TRUB1: variants seen among roughly 807,000 people sequenced by gnomAD.
TRUB1 encodes pseudouridylate synthase TRUB1.
A neutral mutation model predicts 33.9 loss-of-function variants in TRUB1; 23 were observed. The observed-to-expected ratio is 0.68, with a 90% CI of 0.49 to 0.96. The LOEUF is 0.96. Ranked by LOEUF, TRUB1 falls within the 40% of genes least tolerant of loss-of-function variation. The pLI is 0.00. For missense variants in TRUB1, 378 were observed against 422.2 expected, an observed-to-expected ratio of 0.90 and a Z score of 0.92; for synonymous variants, 163 against 165.4, an observed-to-expected ratio of 0.99 and a Z score of 0.11.
chr10:114,959,279 A>G (rs2084275070), intron 3 of TRUB1, among the ~76,000 whole-genome samples: 1 of 152,210 alleles, frequency 6.6e-6, no homozygotes, highest in Non-Finnish European at 1.5e-5. Context: ...TCATGTAAGA[A>G]GTACTAAGTT....
rs1212606834 is a variant in TRUB1 at position 114,938,472 on chromosome 10, C to T, written c.219C>T (p.Ala73=). The change falls in exon 1 of 8, where the codon GCC becomes GCT. Residue 73 remains alanine, a synonymous_variant. Coordinates refer to ENST00000298746, the MANE Select transcript of TRUB1 (RefSeq NM_139169.5). ...TGCTGTCCTTGAGCGGCGTGTTCGC[C>T]GTGCACAAGCCCAAAGGGCCCACTT... ...TKLLSLSGVF[A]VHKPKGPTSA... is the part of the protein sequence containing the mutation. 2.5e-6 allele frequency: 4 copies of T among 1,592,228 alleles called. No individual in the cohort carries two copies. Among genetic ancestry groups the T allele is most frequent in the Non-Finnish European group, 2.6e-6 (3 of 1,170,980 alleles).
At chr10:114,971,023 A>G (rs930478091) in intron 5 of TRUB1, among the ~76,000 whole-genome samples, 1 of 152,178 alleles carries the variant, frequency 6.6e-6, no homozygotes, top group Non-Finnish European at 1.5e-5. Flanking sequence ...ATTTCTCACC[A>G]TTCTGGAGGC....
chr10:114,947,464 G>C (rs1432648398), intron 2 of TRUB1, among the ~76,000 whole-genome samples: 1 of 152,090 alleles, frequency 6.6e-6, no homozygotes, highest in African/African-American at 2.4e-5. Context: ...TAACTTTAGA[G>C]GTTATAGAAA....
intron 5 of TRUB1, among the ~76,000 whole-genome samples, chr10:114,970,697 C>G (rs944593416): frequency 3.9e-5 from 6 of 152,178 alleles, no homozygotes; most frequent in Non-Finnish European, 7.3e-5. Context: ...ATTGGCTTTT[C>G]TGATTCTATC....
chr10:114,949,461 A>G (rs933466669), intron 2 of TRUB1, among the ~76,000 whole-genome samples: 20 of 152,192 alleles, frequency 1.3e-4, no homozygotes, highest in Non-Finnish European at 2.2e-4. Flanking sequence ...TGAGTGTCAT[A>G]GAGGTTTTGA....
Position 114,972,129 on chromosome 10 carries a change from C to G in TRUB1, c.597-6C>G. On this transcript the variant is annotated splice_region_variant and splice_polypyrimidine_tract_variant and intron_variant, in intron 5 of 7. Coordinates refer to ENST00000298746, the MANE Select transcript of TRUB1 (RefSeq NM_139169.5). ...CCTTCCATTTCTCCTTCTCTCATCTCACAAGCTATTCTGCATTAAAGAAAG... is the reference window on the plus strand; with the variant it reads ...CCTTCCATTTCTCCTTCTCTCATCTGACAAGCTATTCTGCATTAAAGAAAG... 1 of 1,612,428 alleles carries G rather than the reference C, an allele frequency of 6.2e-7. No homozygotes were observed. Among genetic ancestry groups the G allele is most frequent in the African/African-American group, 1.3e-5 (1 of 74,930 alleles).
At chr10:114,944,520 A>C (rs1015272545) in intron 2 of TRUB1, among the ~76,000 whole-genome samples, 8 of 152,248 alleles carry the variant, frequency 5.3e-5, no homozygotes, top group Middle Eastern at 3.4e-3. Context: ...TTAGCCGGGC[A>C]TGGTGGCATG....
intron 2 of TRUB1, among the ~76,000 whole-genome samples, chr10:114,947,245 A>G (rs1274066454): frequency 6.6e-6 from 1 of 152,218 alleles, no homozygotes. Context: ...TCCAGAGAAG[A>G]ACACGGTCAA....
intron 3 of TRUB1, among the ~76,000 whole-genome samples, chr10:114,957,389 C>A (rs1030258088): frequency 6.6e-6 from 1 of 152,186 alleles, no homozygotes; most frequent in East Asian, 1.9e-4. Context: ...TACACTGTAA[C>A]CTCTTAGAGG....
chr10:114,951,632 C>T (rs933145252), intron 3 of TRUB1, among the ~76,000 whole-genome samples: 2 of 152,088 alleles, frequency 1.3e-5, no homozygotes, highest in African/African-American at 4.8e-5. Context: ...TGAATAGATC[C>T]AAAAGCACTT....
At chr10:114,959,587 A>G (rs2084276493) in intron 3 of TRUB1, 139 bp from the exon 4 acceptor site, 1 of 657,110 alleles carries the variant, frequency 1.5e-6, no homozygotes, top group South Asian at 1.9e-5. Flanking sequence ...TAAAAACAAA[A>G]CAATTGCAGT....
Position 114,975,508 on chromosome 10 carries a change from C to A in TRUB1, c.*129C>A, listed in dbSNP as rs2084356784. 1.1e-6 allele frequency: 1 copy of A among 931,436 alleles called. No individual in the cohort carries two copies. The highest frequency in any genetic ancestry group is 1.5e-6 in the Non-Finnish European group (1 of 647,916). The allele number at this position is 931,436 out of a possible 1,614,324, so 57.7% of individuals were successfully genotyped here. On this transcript the variant is annotated 3_prime_UTR_variant, in exon 8 of 8. Coordinates refer to ENST00000298746, the MANE Select transcript of TRUB1 (RefSeq NM_139169.5). ...TTTTTGCATGAAGAAAAATGTCTAT[C>A]ATTTACAGTTTCAATAGCACATAAT...
At position 114,973,399 on chromosome 10, in the gene TRUB1, C is replaced by T. The variant is rs536332550; in HGVS notation, c.737-930C>T. On this transcript the variant is annotated intron_variant, in intron 6 of 7. Coordinates refer to ENST00000298746, the MANE Select transcript of TRUB1 (RefSeq NM_139169.5). ...GTCTTTTCACTCAAGTCAAATATCA[C>T]GCAAGAGTGCTAGCGCGCCTGCATT... Among the ~76,000 whole-genome samples, 34 of 152,250 alleles carry T rather than the reference C, an allele frequency of 2.2e-4. 3 individuals are homozygous for T. The highest frequency in any genetic ancestry group is 9.2e-4 in the Admixed American group (14 of 15,284).
chr10:114,959,929 G>T, intron 4 of TRUB1, 122 bp downstream of exon 4: 1 of 631,178 alleles, frequency 1.6e-6, no homozygotes, highest in Non-Finnish European at 2.7e-6. Context: ...TGTTTCTTTG[G>T]GCTAAGAAGA....
chr10:114,942,612 G>A (rs778527665), intron 1 of TRUB1, 33 bp from the exon 2 acceptor site: 36 of 1,433,946 alleles, frequency 2.5e-5, no homozygotes, highest in Admixed American at 3.4e-5. Context: ...TTGTCTTGGT[G>A]ATCACCTTTT....
At chr10:114,954,800 C>T (rs1217311061) in intron 3 of TRUB1, among the ~76,000 whole-genome samples, 1 of 152,182 alleles carries the variant, frequency 6.6e-6, no homozygotes, top group Non-Finnish European at 1.5e-5. Flanking sequence ...CCAAGTCTCT[C>T]TCTTGAGGTC....
At chr10:114,950,417 T>C (rs1852649991) in intron 2 of TRUB1, among the ~76,000 whole-genome samples, 1 of 152,228 alleles carries the variant, frequency 6.6e-6, no homozygotes, top group African/African-American at 2.4e-5. Flanking sequence ...CAAATATTTC[T>C]ATACTTACAA....
chr10:114,944,950 A>G (rs1314642327), intron 2 of TRUB1, among the ~76,000 whole-genome samples: 1 of 152,178 alleles, frequency 6.6e-6, no homozygotes, highest in Admixed American at 6.5e-5. Flanking sequence ...GCACCACTGC[A>G]CCCCAAAAAA....
At chr10:114,961,907 C>T (rs1006374965) in intron 4 of TRUB1, among the ~76,000 whole-genome samples, 1 of 152,134 alleles carries the variant, frequency 6.6e-6, no homozygotes, top group African/African-American at 2.4e-5. Flanking sequence ...ATACAGAGAC[C>T]TATGACCAAT....
Sources: allele counts gnomAD v4.1 joint callset (sites outside exome capture counted in the v4.1 genomes callset), GRCh38; gene constraint gnomAD v4.1.1; transcripts MANE v1.5; gene names NCBI Gene and HGNC (gene_info 2026-07-23, HGNC 2026-07-21).